FTO: variants seen among roughly 807,000 people sequenced by gnomAD.
FTO encodes the protein alpha-ketoglutarate-dependent dioxygenase FTO.
FTO carries 47 observed loss-of-function variants against 63.9 expected under a neutral mutation model. That is an observed-to-expected ratio of 0.74 (90% confidence interval 0.58 to 0.94). The LOEUF is 0.94. FTO is among the 40% of genes least tolerant of loss of function. The probability of loss-of-function intolerance (pLI) is 0.00; values close to 1 mark genes in which losing one functional copy is unlikely to be tolerated. For missense variants in FTO, 562 were observed against 618.1 expected, an observed-to-expected ratio of 0.91 and a Z score of 0.96; for synonymous variants, 207 against 224.4, an observed-to-expected ratio of 0.92 and a Z score of 0.69.
intron 1 of FTO, among the ~76,000 whole-genome samples, chr16:53,744,833 C>A (rs968225846): frequency 4.8e-4 from 36 of 74,800 alleles, no homozygotes; most frequent in Non-Finnish European, 6.3e-4. Context: ...CTTCCCCCCC[C>A]CCATATATGA....
At chr16:53,851,211 G>A (rs2079783532) in intron 4 of FTO, among the ~76,000 whole-genome samples, 2 of 151,614 alleles carry the variant, frequency 1.3e-5, no homozygotes, top group South Asian at 4.2e-4. Flanking sequence ...ACTTTGGGAG[G>A]CCAAGGCGGA....
intron 1 of FTO, among the ~76,000 whole-genome samples, chr16:53,748,967 T>C (rs994019696): frequency 6.6e-6 from 1 of 152,074 alleles, no homozygotes; most frequent in Non-Finnish European, 1.5e-5. Flanking sequence ...GGTTTCACCA[T>C]GTGGGCCAGG....
At chr16:53,860,519 G>T (rs1181785631) in intron 4 of FTO, among the ~76,000 whole-genome samples, 3 of 152,170 alleles carry the variant, frequency 2.0e-5, no homozygotes, top group African/African-American at 7.2e-5. Context: ...GCTGGCATCT[G>T]CTTGGCTTCT....
At chr16:53,903,840 T>C (rs2081466611) in intron 7 of FTO, among the ~76,000 whole-genome samples, 1 of 152,134 alleles carries the variant, frequency 6.6e-6, no homozygotes, top group Non-Finnish European at 1.5e-5. Flanking sequence ...TGTGTGCATT[T>C]TTAATTTTAA....
intron 8 of FTO, among the ~76,000 whole-genome samples, chr16:53,946,174 A>G (rs1372378954): frequency 4.6e-5 from 7 of 151,822 alleles, no homozygotes; most frequent in Non-Finnish European, 1.0e-4. Context: ...GACAAAAAAA[A>G]CAAAACCAAA....
chr16:54,012,174 A>G (rs944588493), intron 8 of FTO, among the ~76,000 whole-genome samples: 2 of 152,232 alleles, frequency 1.3e-5, no homozygotes, highest in Non-Finnish European at 2.9e-5. Context: ...TCCAGTGAAC[A>G]CATGAATGAT....
At chr16:53,886,412 T>A (rs1286819689) in intron 6 of FTO, among the ~76,000 whole-genome samples, 3 of 152,248 alleles carry the variant, frequency 2.0e-5, no homozygotes, top group Non-Finnish European at 4.4e-5. Context: ...CTTTCCATAG[T>A]GTGAACAAAT....
At chr16:53,843,420 T>A (rs1184295740) in intron 3 of FTO, among the ~76,000 whole-genome samples, 1 of 152,238 alleles carries the variant, frequency 6.6e-6, no homozygotes, top group Non-Finnish European at 1.5e-5. Flanking sequence ...TTCTCTCTTT[T>A]GGCTTTAACA....
At chr16:53,928,066 G>C (rs928894736) in intron 7 of FTO, among the ~76,000 whole-genome samples, 1 of 152,190 alleles carries the variant, frequency 6.6e-6, no homozygotes, top group Non-Finnish European at 1.5e-5. Flanking sequence ...GAGAGGTTCT[G>C]TTATTATCAC....
At position 53,754,042 on chromosome 16, in the gene FTO, A is replaced by G. The variant is rs566284556; in HGVS notation, c.45+49813A>G. Among the ~76,000 whole-genome samples, 9 of 152,312 alleles carry G rather than the reference A, an allele frequency of 5.9e-5. 1 individual carries two copies. In the South Asian group the frequency reaches 1.7e-3, roughly 28 times the overall value. The stretch of plus-strand genomic sequence containing the variant: ...TAGAGAACGGGGTTTGGAGGTGTTC[A>G]TGACTTATAGAAGCCCCACAGTTAG... On this transcript the variant is annotated intron_variant, in intron 1 of 8. Transcript: ENST00000471389.
chr16:53,765,557 CAA>C (rs11383210), intron 1 of FTO, among the ~76,000 whole-genome samples: 21 of 120,546 alleles, frequency 1.7e-4, no homozygotes, highest in Admixed American at 1.8e-4. Context: ...AACTCCGTCT[CAA>C]AAAAAAAAAA....
chr16:53,831,383 G>C (rs1047614262), intron 3 of FTO, among the ~76,000 whole-genome samples: 5 of 151,922 alleles, frequency 3.3e-5, no homozygotes, highest in African/African-American at 1.2e-4. Context: ...TTTTGGGGGT[G>C]ACCATCCAGT....
At chr16:53,839,109 C>T (rs1057449926) in intron 3 of FTO, among the ~76,000 whole-genome samples, 1 of 152,136 alleles carries the variant, frequency 6.6e-6, no homozygotes, top group African/African-American at 2.4e-5. Context: ...AACTAGCTGG[C>T]ATAAAACATT....
chr16:54,072,822 G>A (rs76616326), intron 8 of FTO, among the ~76,000 whole-genome samples: 32 of 152,150 alleles, frequency 2.1e-4, no homozygotes, highest in African/African-American at 7.0e-4. Context: ...CCTCTGACTC[G>A]GTCAGAAAGA....
intron 1 of FTO, among the ~76,000 whole-genome samples, chr16:53,776,273 G>A (rs1229120915): frequency 1.3e-5 from 2 of 152,188 alleles, no homozygotes; most frequent in African/African-American, 2.4e-5. Flanking sequence ...AAATAGCAAT[G>A]GAATTTGTCT....
At chr16:54,096,125 A>G (rs2144575742) in intron 8 of FTO, among the ~76,000 whole-genome samples, 1 of 152,340 alleles carries the variant, frequency 6.6e-6, no homozygotes, top group Non-Finnish European at 1.5e-5. Context: ...ATGGATACTA[A>G]AAGCACAAAA....
intron 1 of FTO, among the ~76,000 whole-genome samples, chr16:53,763,199 A>G (rs1383909625): frequency 6.6e-6 from 1 of 152,228 alleles, no homozygotes; most frequent in African/African-American, 2.4e-5. Flanking sequence ...GGGCTAAAAC[A>G]AATGTGCCAA....
chr16:53,992,876 CT>C (rs2083846715), intron 8 of FTO: 1 of 152,158 alleles, frequency 6.6e-6, no homozygotes, highest in Non-Finnish European at 1.5e-5. Context: ...AGACTGGAAT[CT>C]ACTCCATAAG....
In FTO at chr16:54,074,942, G is replaced by GTGTGTGTGTGTA. The variant is rs1555506074; in HGVS notation, c.1365-36809_1365-36808insATGTGTGTGTGT. ...AGTGTGTGTGTGTGTGTGTGTGTGT[G>GTGTGTGTGTGTA]TGTGTGTGTGTGTAAACTGTTTTAG... is the stretch of plus-strand genomic sequence containing the variant. On this transcript the variant is annotated intron_variant, in intron 8 of 8. Coordinates refer to ENST00000471389, the MANE Select transcript of FTO (RefSeq NM_001080432.3). 8.1e-3 allele frequency among the ~76,000 whole-genome samples: 1,196 copies of GTGTGTGTGTGTA among 148,488 alleles called. 8 individuals are homozygous for GTGTGTGTGTGTA. Among genetic ancestry groups the GTGTGTGTGTGTA allele is most frequent in the African/African-American group, 0.027 (1,073 of 39,322 alleles).
Sources: gnomAD v4.1 joint callset for allele counts (sites outside exome capture counted in the v4.1 genomes callset) on GRCh38, gnomAD v4.1.1 for gene constraint, MANE v1.5 for transcripts, NCBI Gene and HGNC (gene_info 2026-07-23, HGNC 2026-07-21) for gene names.